Variants in PIGS observed in about 807,000 individuals in gnomAD.
PIGS encodes phosphatidylinositol glycan anchor biosynthesis class S.
Under a neutral mutation model 58.2 loss-of-function variants are expected in PIGS, and 37 were observed. The ratio of observed to expected loss-of-function variants is 0.64; its 90% CI spans 0.49 to 0.84. The LOEUF (loss-of-function observed/expected upper bound fraction) is 0.84, where lower values mean the gene tolerates loss of function less well. Among genes scored for constraint, PIGS ranks in the 40% least tolerant of loss-of-function variants. The pLI, the probability that PIGS is intolerant of heterozygous loss-of-function variation, is 0.00. For missense variants in PIGS, 629 were observed against 710.8 expected, an observed-to-expected ratio of 0.88 and a Z score of 1.31; for synonymous variants, 269 against 289.2, an observed-to-expected ratio of 0.93 and a Z score of 0.71.
chr17:28,570,779 C>T, intron 3 of PIGS, 73 bp downstream of exon 3: 2 of 1,446,588 alleles, frequency 1.4e-6, no homozygotes, highest in Non-Finnish European at 1.9e-6. Context: ...TGGTACACCC[C>T]CGCTCCTCCC....
At chr17:28,569,197 C>T (rs1040318175) in intron 3 of PIGS, among the ~76,000 whole-genome samples, 14 of 149,758 alleles carry the variant, frequency 9.3e-5, no homozygotes, top group African/African-American at 3.2e-4. Flanking sequence ...TTTAACCAGC[C>T]GGGTGCGGTG....
Position 28,554,092 on chromosome 17 carries a change from G to C in PIGS, c.*128C>G. 7.9e-7 allele frequency: 1 copy of C among 1,262,460 alleles called. No individual in the cohort carries two copies. Among genetic ancestry groups the C allele is most frequent in the Non-Finnish European group, 1.1e-6 (1 of 908,018 alleles). The allele number at this position is 1,262,460 out of a possible 1,614,324, so 78.2% of individuals were successfully genotyped here. A position where few individuals can be genotyped will look rare whatever the true frequency, so the allele number is the denominator to read the frequency against. On this transcript the variant is annotated 3_prime_UTR_variant, in exon 12 of 12. Transcript: ENST00000308360. ...TTGGAGTGTTGTACTTTGGTTGCTG[G>C]AGAGCCAACAGTGGAGACTGGAGAC...
intron 3 of PIGS, among the ~76,000 whole-genome samples, chr17:28,565,748 G>T (rs2070390235): frequency 6.6e-6 from 1 of 152,166 alleles, no homozygotes; most frequent in Non-Finnish European, 1.5e-5. Context: ...AACTAGCTGG[G>T]GCCAGGTGCA....
intron 3 of PIGS, among the ~76,000 whole-genome samples, chr17:28,568,813 T>C (rs1312061438): frequency 6.6e-6 from 1 of 152,144 alleles, no homozygotes; most frequent in African/African-American, 2.4e-5. Context: ...ACAAGAAGTT[T>C]GGCTGGGCAT....
At chr17:28,559,796 G>A (rs2070352205) in intron 7 of PIGS, among the ~76,000 whole-genome samples, 1 of 150,954 alleles carries the variant, frequency 6.6e-6, no homozygotes, top group Admixed American at 6.6e-5. Context: ...AAGGTGGTTT[G>A]TTAACAAGCA....
intron 5 of PIGS, 105 bp from the exon 6 acceptor site, chr17:28,561,734 A>G (rs1337195247): frequency 3.6e-6 from 4 of 1,104,732 alleles, no homozygotes; most frequent in Non-Finnish European, 5.2e-6. Flanking sequence ...AATGACCAAC[A>G]GGTTTGCACC....
intron 5 of PIGS, 58 bp downstream of exon 5, chr17:28,563,373 C>T: frequency 7.3e-7 from 1 of 1,378,220 alleles, no homozygotes; most frequent in South Asian, 1.2e-5. Context: ...AAGGAGGTGA[C>T]CCAGGAGTCC....
At chr17:28,556,609 G>C in intron 9 of PIGS, 1 of 695,956 alleles carries the variant, frequency 1.4e-6, no homozygotes, top group Non-Finnish European at 2.5e-6. Context: ...TCCTAGGTAA[G>C]GGCAAAGGGT....
chr17:28,561,752 AG>A, intron 5 of PIGS, 123 bp from the exon 6 acceptor site: 1 of 864,454 alleles, frequency 1.2e-6, no homozygotes, highest in Non-Finnish European at 1.8e-6. Flanking sequence ...ACCTCTCTTG[AG>A]ATTCATGAGC....
At chr17:28,571,227 G>GCTAGGGTACCGGC in intron 1 of PIGS, 39 bp from the exon 2 acceptor site, 1 of 1,601,662 alleles carries the variant, frequency 6.2e-7, no homozygotes. Context: ...CTGGAAACGG[G>GCTAGGGTACCGGC]CTAGGGTACC....
rs771327885 is a variant in PIGS, at chr17:28,561,564, G to T, written c.534C>A (p.Ala178=). 3 of 1,613,828 alleles carry T rather than the reference G, an allele frequency of 1.9e-6. No individual in the cohort carries two copies. Among genetic ancestry groups the T allele is most frequent in the Non-Finnish European group, 2.5e-6 (3 of 1,179,874 alleles). ...CTATGCGGCGGCCAATGATGTTAAA[G>T]GCCTCCCGGTGCATTATCCCCCGCA... ...AVVRGIMHRE[A]FNIIGRRIVQ... Residue 178 remains alanine, a synonymous_variant, in exon 6 of 12, where the codon GCC becomes GCA. Transcript: ENST00000308360.
Position 28,561,581 on chromosome 17 carries a change from T to TC in PIGS, c.516dup (p.Ile173AspfsTer8). ...ATGTTAAAGGCCTCCCGGTGCATTA[T>TC]CCCCCGCACCACTGCTGTCCTCTTG... On this transcript the variant is annotated frameshift_variant, in exon 6 of 12. Transcript: ENST00000308360. LOFTEE classifies it high-confidence loss of function. 1.2e-6 allele frequency: 2 copies of TC among 1,613,716 alleles called. No individual in the cohort carries two copies. Among genetic ancestry groups the TC allele is most frequent in the South Asian group, 1.1e-5 (1 of 90,924 alleles).
intron 3 of PIGS, among the ~76,000 whole-genome samples, chr17:28,569,450 G>A (rs1232230222): frequency 6.7e-6 from 1 of 150,074 alleles, no homozygotes; most frequent in East Asian, 1.9e-4. Context: ...ACTCCAGCCT[G>A]GGCAACAAAG....
At chr17:28,558,620 G>A (rs2070344868) in intron 7 of PIGS, 30 bp from the exon 8 acceptor site, 1 of 1,529,146 alleles carries the variant, frequency 6.5e-7, no homozygotes, top group Non-Finnish European at 9.0e-7. Context: ...TGGTTACTTT[G>A]TTTAGATTTA....
chr17:28,569,474 C>CAAAAAAAAAA (rs767305172), intron 3 of PIGS, among the ~76,000 whole-genome samples: 1 of 66,146 alleles, frequency 1.5e-5, no homozygotes. Context: ...GACCCTTTCT[C>CAAAAAAAAAA]AAAAAAAAAA....
At chr17:28,567,588 G>A (rs371730686) in intron 3 of PIGS, among the ~76,000 whole-genome samples, 47 of 152,326 alleles carry the variant, frequency 3.1e-4, no homozygotes, top group African/African-American at 1.1e-3. Flanking sequence ...AATACAGACT[G>A]AGAATTAGGT....
At position 28,558,463 on chromosome 17, in the gene PIGS, C is replaced by CT. The variant is rs759182356; in HGVS notation, c.934+12dup. The CT allele has an allele frequency of 1.1e-5, 17 of 1,594,126 alleles. No homozygotes were observed. The highest frequency in any genetic ancestry group is 1.5e-5 in the Non-Finnish European group (17 of 1,165,292). On this transcript the variant is annotated intron_variant, in intron 8 of 11. Coordinates refer to ENST00000308360, the MANE Select transcript of PIGS (RefSeq NM_033198.4). Reference sequence around the variant, plus strand: ...CTGGCAGAAAAGAAAGACCCTCATCCTTAGGTGCTCACCCAGCCGGGACTC... The same window carrying CT: ...CTGGCAGAAAAGAAAGACCCTCATCCTTTAGGTGCTCACCCAGCCGGGACTC...
At position 28,556,941 on chromosome 17, in the gene PIGS, G is replaced by A. The variant is rs543618504; in HGVS notation, c.966C>T (p.Leu322=). The change falls in exon 9 of 12, where the codon CTC becomes CTT. Residue 322 remains leucine, a synonymous_variant. Transcript: ENST00000308360. Reference sequence around the variant, plus strand: ...GCTCAGGCACGTAGAGTAGAAAGTTGAGCACAGGGTACAAGGAGGCAGCAC... The same window carrying A: ...GCTCAGGCACGTAGAGTAGAAAGTTAAGCACAGGGTACAAGGAGGCAGCAC... ...GSSAASLYPV[L]NFLLYVPELA... is the part of the protein sequence containing the mutation. 6.2e-7 allele frequency: 1 copy of A among 1,614,124 alleles called. No homozygotes were observed. The highest frequency in any genetic ancestry group is 2.2e-5 in the East Asian group (1 of 44,872).
At chr17:28,564,679 C>T in intron 3 of PIGS, among the ~76,000 whole-genome samples, 1 of 151,052 alleles carries the variant, frequency 6.6e-6, no homozygotes, top group South Asian at 2.1e-4. Flanking sequence ...CACACCATTG[C>T]ACTCCAGCCT....
Sources: gnomAD v4.1 joint callset for allele counts (sites outside exome capture counted in the v4.1 genomes callset) on GRCh38, gnomAD v4.1.1 for gene constraint, MANE v1.5 for transcripts, NCBI Gene and HGNC (gene_info 2026-07-23, HGNC 2026-07-21) for gene names.